Variants in NFKB1 observed in about 807,000 individuals in gnomAD.
NFKB1 encodes nuclear factor NF-kappa-B p105 subunit.
In NFKB1, 9 loss-of-function variants were observed where a neutral mutation model predicts 105.1. That is an observed-to-expected ratio of 0.09 (90% CI 0.05 to 0.15). The LOEUF (loss-of-function observed/expected upper bound fraction) is 0.15, where lower values mean the gene tolerates loss of function less well. NFKB1 is among the 10% of genes least tolerant of loss of function. The pLI is 1.00. For missense variants in NFKB1, 830 were observed against 1,203.7 expected, an observed-to-expected ratio of 0.69 and a Z score of 4.59; for synonymous variants, 440 against 442.2, an observed-to-expected ratio of 1.00 and a Z score of 0.06.
intron 5 of NFKB1, among the ~76,000 whole-genome samples, chr4:102,553,507 G>A (rs1432313381): frequency 6.6e-6 from 1 of 152,052 alleles, no homozygotes; most frequent in African/African-American, 2.4e-5. Context: ...TATTTTCAAT[G>A]AATAAATGAG....
At position 102,565,144 on chromosome 4, in the gene NFKB1, T is replaced by G. The variant is rs3774951; in HGVS notation, c.259-1843T>G. Among the ~76,000 whole-genome samples the G allele has an allele frequency of 5.1e-3, 777 of 152,232 alleles. 16 individuals are homozygous for G. Among genetic ancestry groups the G allele is most frequent in the East Asian group, 0.032 (165 of 5,186 alleles). ...ATAATTAGCTTTATACCCAGAGTTT[T>G]TTTTTTTTTAAATGTTATACCTGTT... On this transcript the variant is annotated intron_variant, in intron 5 of 23. Transcript: ENST00000226574.
intron 16 of NFKB1, among the ~76,000 whole-genome samples, chr4:102,603,403 T>C (rs1727386882): frequency 6.6e-6 from 1 of 150,604 alleles, no homozygotes; most frequent in South Asian, 2.1e-4. Flanking sequence ...TATCCTAAAC[T>C]CTTTACTGTA....
At chr4:102,599,320 G>A (rs1012926169) in intron 15 of NFKB1, among the ~76,000 whole-genome samples, 2 of 152,082 alleles carry the variant, frequency 1.3e-5, no homozygotes, top group African/African-American at 2.4e-5. Flanking sequence ...GAGATCATCC[G>A]TTTTAAAATA....
At chr4:102,607,864 CAAGGGT>C in intron 19 of NFKB1, 113 bp downstream of exon 19, 1 of 869,596 alleles carries the variant, frequency 1.1e-6, no homozygotes, top group South Asian at 1.4e-5. Flanking sequence ...TGCTGAAAAA[CAAGGGT>C]AAATAAAAAT....
At chr4:102,517,061 C>T (rs1740235717) in intron 1 of NFKB1, among the ~76,000 whole-genome samples, 1 of 152,118 alleles carries the variant, frequency 6.6e-6, no homozygotes, top group South Asian at 2.1e-4. Context: ...TTAGGTTTTG[C>T]AGGGTCTTGT....
chr4:102,547,067 T>G (rs1441052968), intron 5 of NFKB1, among the ~76,000 whole-genome samples: 1 of 152,096 alleles, frequency 6.6e-6, no homozygotes, highest in Non-Finnish European at 1.5e-5. Flanking sequence ...TTAGAAAATA[T>G]GTATGCAAAT....
At chr4:102,595,997 T>A (rs1726577837) in intron 13 of NFKB1, 141 bp from the exon 14 acceptor site, 1 of 492,548 alleles carries the variant, frequency 2.0e-6, no homozygotes. Flanking sequence ...TGACCATTTT[T>A]AAAAGAATTT....
At chr4:102,562,335 C>G (rs1389292823) in intron 5 of NFKB1, among the ~76,000 whole-genome samples, 1 of 152,214 alleles carries the variant, frequency 6.6e-6, no homozygotes, top group African/African-American at 2.4e-5. Flanking sequence ...TTCTCAGTTA[C>G]ACTTTTACAT....
intron 7 of NFKB1, chr4:102,578,668 A>T: frequency 1.9e-6 from 1 of 523,024 alleles, no homozygotes; most frequent in South Asian, 3.3e-5. Flanking sequence ...TTTTTACTGT[A>T]ATCCGGAGAA....
chr4:102,567,713 A>C (rs568287211), intron 6 of NFKB1, among the ~76,000 whole-genome samples: 36 of 152,358 alleles, frequency 2.4e-4, no homozygotes, highest in African/African-American at 8.7e-4. Flanking sequence ...TGACGTATTC[A>C]TTTAAGGGTT....
At chr4:102,530,275 G>T (rs1044311245) in intron 3 of NFKB1, among the ~76,000 whole-genome samples, 1 of 152,122 alleles carries the variant, frequency 6.6e-6, no homozygotes. Flanking sequence ...AAGAGGGCCT[G>T]TTGTGTACTA....
At position 102,606,685 on chromosome 4, in the gene NFKB1, C is replaced by A. The variant is rs781759362; in HGVS notation, c.1942C>A (p.Pro648Thr). 1.9e-6 allele frequency: 3 copies of A among 1,613,944 alleles called. No individual in the cohort carries two copies. The highest frequency in any genetic ancestry group is 2.5e-6 in the Non-Finnish European group (3 of 1,179,878). ...AAAGGCAGCACTACTTCTTGACCACCCCAACGGGGACGGTAAGAGACAATC... is the reference window on the plus strand; with the variant it reads ...AAAGGCAGCACTACTTCTTGACCACACCAACGGGGACGGTAAGAGACAATC... ...HKKAALLLDH[P>T]NGDGLNAIHL... is the part of the protein sequence containing the mutation. The change falls in exon 17 of 24, where the codon CCC becomes ACC. Residue 648 changes from proline to threonine, a missense_variant. By Grantham distance (38) the Pro-to-Thr change is conservative. Transcript: ENST00000226574.
At chr4:102,519,210 G>C (rs1409255405) in intron 1 of NFKB1, among the ~76,000 whole-genome samples, 1 of 149,948 alleles carries the variant, frequency 6.7e-6, no homozygotes, top group Non-Finnish European at 1.5e-5. Context: ...TCAATATACT[G>C]TAGTTTTAAA....
rs116134496 is a variant in NFKB1, at chr4:102,569,224, G to T, written c.407+2089G>T. On this transcript the variant is annotated intron_variant, in intron 6 of 23. Coordinates refer to ENST00000226574, the MANE Select transcript of NFKB1 (RefSeq NM_003998.4). ...GAAAGAACATCGTGCTAGCATTCTG[G>T]AAACCAGTATTTTATTCCCAGTACT... is the stretch of plus-strand genomic sequence containing the variant. 6.8e-3 allele frequency among the ~76,000 whole-genome samples: 1,032 copies of T among 152,112 alleles called. 7 individuals carry two copies. The highest frequency in any genetic ancestry group is 0.021 in the African/African-American group (855 of 41,502).
intron 15 of NFKB1, 151 bp from the exon 16 acceptor site, chr4:102,600,744 A>G: frequency 1.6e-6 from 1 of 628,638 alleles, no homozygotes. Flanking sequence ...CCCACCTCAG[A>G]TTCAATGCAT....
chr4:102,572,272 G>A (rs953290056), intron 6 of NFKB1, among the ~76,000 whole-genome samples: 3 of 147,584 alleles, frequency 2.0e-5, no homozygotes, highest in Non-Finnish European at 3.0e-5. Context: ...CTCATAGGTG[G>A]AAATTGAACA....
In NFKB1 at chr4:102,555,810, T is replaced by C. The variant is rs570375748; in HGVS notation, c.259-11177T>C. ...CCAAATCATGCAAGGATTTAAACTG[T>C]ATGTTTTTAGAAAATGGGTAAGCTA... On this transcript the variant is annotated intron_variant, in intron 5 of 23. Transcript: ENST00000226574. Among the ~76,000 whole-genome samples, 10 of 152,350 alleles carry C rather than the reference T, an allele frequency of 6.6e-5. No individual in the cohort carries two copies. In the Middle Eastern group the frequency reaches 0.01, roughly 155 times the overall value.
chr4:102,521,219 G>A (rs1740552949), intron 1 of NFKB1, among the ~76,000 whole-genome samples: 1 of 152,170 alleles, frequency 6.6e-6, no homozygotes, highest in Non-Finnish European at 1.5e-5. Context: ...TAGAATTGCA[G>A]AATCAAAAGA....
intron 5 of NFKB1, among the ~76,000 whole-genome samples, chr4:102,555,714 T>G (rs1722939515): frequency 6.6e-6 from 1 of 152,152 alleles, no homozygotes; most frequent in Admixed American, 6.6e-5. Flanking sequence ...TGGAGAATAG[T>G]AAATAATTTG....
Sources: allele counts gnomAD v4.1 joint callset (sites outside exome capture counted in the v4.1 genomes callset), GRCh38; gene constraint gnomAD v4.1.1; transcripts MANE v1.5; gene names NCBI Gene and HGNC (gene_info 2026-07-23, HGNC 2026-07-21).